Variants in CSMD1 observed in about 807,000 individuals in gnomAD.
CSMD1 encodes CUB and Sushi multiple domains 1, also known as CUB and sushi domain-containing protein 1.
In CSMD1, 213 loss-of-function variants were observed where a neutral mutation model predicts 417.5. The ratio of observed to expected loss-of-function variants is 0.51; its 90% CI spans 0.46 to 0.57. The LOEUF is 0.57. Ranked by LOEUF, CSMD1 falls within the 20% of genes least tolerant of loss-of-function variation. CSMD1 has a pLI of 0.00. For synonymous variants in CSMD1, 2,862 were observed against 1,736.8 expected (o/e 1.65, Z -16.11); for missense variants, 6,923 against 4,529.7 (o/e 1.53, Z -15.17).
At chr8:4,746,790 C>A (rs1810983830) in intron 1 of CSMD1, among the ~76,000 whole-genome samples, 1 of 152,132 alleles carries the variant, frequency 6.6e-6, no homozygotes, top group South Asian at 2.1e-4. Context: ...GGCATCATAC[C>A]ATCAAAAGAT....
At chr8:4,697,637 G>C (rs1189252075) in intron 1 of CSMD1, among the ~76,000 whole-genome samples, 3 of 152,146 alleles carry the variant, frequency 2.0e-5, no homozygotes, top group Non-Finnish European at 4.4e-5. Context: ...AGGCAATTAA[G>C]CAGGGACTGA....
At chr8:3,581,800 T>C (rs12679270) in intron 9 of CSMD1, among the ~76,000 whole-genome samples, 57,748 of 152,026 alleles carry the variant, frequency 0.38, 11,570 homozygotes, top group Middle Eastern at 0.46. Flanking sequence ...ATGCTGTCTT[T>C]TTTTTTTCCT....
intron 3 of CSMD1, among the ~76,000 whole-genome samples, chr8:4,380,990 G>A (rs540495879): frequency 1.2e-4 from 18 of 152,024 alleles, no homozygotes; most frequent in South Asian, 4.2e-4. Context: ...AAGAAAAAGC[G>A]TATCTCACTG....
intron 21 of CSMD1, among the ~76,000 whole-genome samples, chr8:3,353,632 G>C (rs1238244920): frequency 6.6e-6 from 1 of 152,164 alleles, no homozygotes; most frequent in Non-Finnish European, 1.5e-5. Flanking sequence ...CAAGAGTTAA[G>C]TGACCAAAAT....
intron 5 of CSMD1, among the ~76,000 whole-genome samples, chr8:3,926,282 T>G (rs1809720664): frequency 6.6e-6 from 1 of 152,200 alleles, no homozygotes; most frequent in African/African-American, 2.4e-5. Flanking sequence ...TAACCAATAC[T>G]CCCCTTGTGC....
At chr8:4,504,658 G>A (rs552040872) in intron 2 of CSMD1, among the ~76,000 whole-genome samples, 3 of 152,018 alleles carry the variant, frequency 2.0e-5, no homozygotes, top group Non-Finnish European at 4.4e-5. Context: ...ACAAACCCCA[G>A]TGTGTGATGT....
chr8:2,947,155 C>G (rs1250593459), intron 68 of CSMD1, among the ~76,000 whole-genome samples: 1 of 152,164 alleles, frequency 6.6e-6, no homozygotes, highest in Non-Finnish European at 1.5e-5. Flanking sequence ...TGTATTTTCT[C>G]TCATTCTTTG....
At position 3,052,634 on chromosome 8, in the gene CSMD1, T is replaced by G. The variant is rs759587853; in HGVS notation, c.7488A>C (p.Gly2496=). 1.2e-6 allele frequency: 2 copies of G among 1,608,616 alleles called. No homozygotes were observed. The highest frequency in any genetic ancestry group is 1.7e-6 in the Non-Finnish European group (2 of 1,177,582). Residue 2496 remains glycine (G), a synonymous_variant, in exon 50 of 70, where the codon GGA becomes GGC. Transcript: ENST00000635120. ...AACCGTTTCCTGGGGATTCTGGGAT[T>G]CCACAGGACACAGCTGAAAAGAAAT... is the stretch of plus-strand genomic sequence containing the variant. The part of the protein sequence containing the change: ...LTPLCQAVSC[G]IPESPGNGSF...
Position 4,929,042 on chromosome 8 carries a change from G to A in CSMD1, c.85+65290C>T, listed in dbSNP as rs578133875. 3.0e-4 allele frequency among the ~76,000 whole-genome samples: 46 copies of A among 152,278 alleles called. No homozygotes were observed. The South Asian group carries it at 7.7e-3, about 25-fold the overall frequency. ...GCCGAGATTGCACCACTGCATTCCA[G>A]CCTGGGGTGACAAAGTGACACTCTA... is the stretch of plus-strand genomic sequence containing the variant. On this transcript the variant is annotated intron_variant, in intron 1 of 69. Transcript: ENST00000635120.
chr8:4,869,932 T>G lies in CSMD1; in HGVS notation c.85+124400A>C, dbSNP rs536291686. ...TAGAGTATAAAAGTGGTCTCTTATA[T>G]TGTCCTAATCTACAATAATCTTATA... On this transcript the variant is annotated intron_variant, in intron 1 of 69. Transcript: ENST00000635120. Among the ~76,000 whole-genome samples the G allele has an allele frequency of 2.0e-5, 3 of 152,224 alleles. No homozygotes were observed. In the South Asian group the frequency reaches 6.2e-4, roughly 32 times the overall value.
At chr8:4,467,057 AAAG>A (rs1800216736) in intron 2 of CSMD1, among the ~76,000 whole-genome samples, 1 of 151,774 alleles carries the variant, frequency 6.6e-6, no homozygotes, top group Non-Finnish European at 1.5e-5. Flanking sequence ...AGAACAATTA[AAAG>A]AAGTGATTAG....
At chr8:3,525,773 T>C (rs1444660865) in intron 10 of CSMD1, among the ~76,000 whole-genome samples, 1 of 152,194 alleles carries the variant, frequency 6.6e-6, no homozygotes, top group East Asian at 1.9e-4. Context: ...CATCACGTTG[T>C]AAGAATTTCT....
rs144063969 is a variant in CSMD1 at position 4,880,318 on chromosome 8, A to T, written c.85+114014T>A. 5.6e-3 allele frequency among the ~76,000 whole-genome samples: 859 copies of T among 152,226 alleles called. 20 individuals carry two copies. The highest frequency in any genetic ancestry group is 0.02 in the African/African-American group (823 of 41,518). On this transcript the variant is annotated intron_variant, in intron 1 of 69. Coordinates refer to ENST00000635120, the MANE Select transcript of CSMD1 (RefSeq NM_033225.6). ...TCACACACCACCTTGATTCCACTGC[A>T]AACTCATAGGCTGCAGCTAAGATAG...
chr8:3,490,727 C>T lies in CSMD1; in HGVS notation c.1448+2896G>A, dbSNP rs1383496478. Among the ~76,000 whole-genome samples, 3 of 152,084 alleles carry T rather than the reference C, an allele frequency of 2.0e-5. No homozygotes were observed. In the East Asian group the frequency reaches 5.8e-4, roughly 29 times the overall value. ...AAACTCTATCTTTGACTTGCAGGCC[C>T]CTTTCTATCCACTGTAGTGCTGTTC... On this transcript the variant is annotated intron_variant, in intron 11 of 69. Transcript: ENST00000635120.
intron 3 of CSMD1, among the ~76,000 whole-genome samples, chr8:4,245,241 C>G (rs576830823): frequency 2.8e-4 from 43 of 152,278 alleles, no homozygotes; most frequent in African/African-American, 1.0e-3. Context: ...CGGATGAAAT[C>G]AAGCACCTGC....
chr8:3,987,298 C>T (rs375471002), intron 5 of CSMD1, among the ~76,000 whole-genome samples: 2 of 152,296 alleles, frequency 1.3e-5, no homozygotes, highest in South Asian at 2.1e-4. Context: ...TCTGTGATGA[C>T]CTCACTGAGC....
intron 41 of CSMD1, among the ~76,000 whole-genome samples, chr8:3,141,738 T>C (rs1324470744): frequency 6.6e-6 from 1 of 151,606 alleles, no homozygotes; most frequent in Non-Finnish European, 1.5e-5. Context: ...CCCCCTGTGA[T>C]TCCATCTCCA....
intron 5 of CSMD1, among the ~76,000 whole-genome samples, chr8:3,896,265 C>G (rs1057010579): frequency 1.3e-5 from 2 of 152,136 alleles, no homozygotes; most frequent in African/African-American, 4.8e-5. Context: ...CCTTCCAGAA[C>G]TTGTATCTGT....
intron 3 of CSMD1, among the ~76,000 whole-genome samples, chr8:4,382,551 T>A (rs1421234326): frequency 6.6e-6 from 1 of 152,208 alleles, no homozygotes; most frequent in Non-Finnish European, 1.5e-5. Flanking sequence ...TAAAAAACCC[T>A]CTGAGTATAA....
Sources: gnomAD v4.1 joint callset for allele counts (sites outside exome capture counted in the v4.1 genomes callset) on GRCh38, gnomAD v4.1.1 for gene constraint, MANE v1.5 for transcripts, NCBI Gene and HGNC (gene_info 2026-07-23, HGNC 2026-07-21) for gene names.